Variants in NRDC observed in about 807,000 individuals in gnomAD.
NRDC encodes nardilysin convertase.
Under a neutral mutation model 147.1 loss-of-function variants are expected in NRDC, and 54 were observed. The observed-to-expected ratio is 0.37, with a 90% CI of 0.29 to 0.46. The LOEUF (loss-of-function observed/expected upper bound fraction) is 0.46. NRDC is among the 20% of genes least tolerant of loss of function. The pLI is 1.00. For missense variants in NRDC, 1,082 were observed against 1,370.6 expected, an observed-to-expected ratio of 0.79 and a Z score of 3.33; for synonymous variants, 440 against 482.1, an observed-to-expected ratio of 0.91 and a Z score of 1.14.
chr1:51,853,419 A>AT (rs1011343876), intron 1 of NRDC, among the ~76,000 whole-genome samples: 1 of 152,136 alleles, frequency 6.6e-6, no homozygotes. Flanking sequence ...GAAATCCCGT[A>AT]TCTTAGCTGC....
At chr1:51,802,739 C>A (rs1196124645) in intron 20 of NRDC, among the ~76,000 whole-genome samples, 3 of 152,194 alleles carry the variant, frequency 2.0e-5, no homozygotes, top group Admixed American at 6.5e-5. Flanking sequence ...GAGCTATACT[C>A]TTCTCTTGGG....
chr1:51,805,095 C>T (rs1056557018), intron 19 of NRDC, among the ~76,000 whole-genome samples: 2 of 152,206 alleles, frequency 1.3e-5, no homozygotes, highest in Non-Finnish European at 1.5e-5. Flanking sequence ...TCCGACCACC[C>T]ACAATGAAAG....
chr1:51,861,419 T>C (rs113810638), intron 1 of NRDC, among the ~76,000 whole-genome samples: 2,268 of 149,412 alleles, frequency 0.015, 64 homozygotes, highest in African/African-American at 0.052. Flanking sequence ...AACCTCTGCC[T>C]CCCAGGTTCA....
intron 27 of NRDC, 43 bp downstream of exon 27, chr1:51,791,535 T>C (rs778956431): frequency 4.0e-6 from 6 of 1,481,930 alleles, no homozygotes; most frequent in Admixed American, 3.3e-5. Flanking sequence ...CTACTCTCCA[T>C]GTCCATAATA....
chr1:51,802,815 A>G (rs1679272801), intron 20 of NRDC, among the ~76,000 whole-genome samples: 1 of 152,024 alleles, frequency 6.6e-6, no homozygotes, highest in South Asian at 2.1e-4. Flanking sequence ...TTCCTCTAAA[A>G]TTTTTCTTGT....
At chr1:51,812,218 TACA>T in intron 14 of NRDC, 120 bp from the exon 15 acceptor site, 1 of 646,138 alleles carries the variant, frequency 1.5e-6, no homozygotes. Flanking sequence ...TCTGAACAGA[TACA>T]ACGAGATATA....
chr1:51,792,235 T>G (rs1238024297), intron 25 of NRDC, 137 bp from the exon 26 acceptor site: 2 of 1,350,804 alleles, frequency 1.5e-6, no homozygotes, highest in East Asian at 4.6e-5. Flanking sequence ...AGGCTTATAC[T>G]GGGTGAGAAC....
intron 1 of NRDC, chr1:51,862,242 G>C (rs1044063852): frequency 1.1e-4 from 17 of 151,394 alleles, no homozygotes; most frequent in Admixed American, 9.2e-4. Context: ...TACGTATATA[G>C]GGCTTTCCCC....
intron 2 of NRDC, chr1:51,836,536 C>G (rs916608858): frequency 5.8e-6 from 6 of 1,036,794 alleles, no homozygotes; most frequent in Non-Finnish European, 8.6e-6. Context: ...AATTCTGAAC[C>G]AAGTTTTTTC....
intron 1 of NRDC, among the ~76,000 whole-genome samples, chr1:51,857,741 G>A (rs1321629639): frequency 6.6e-6 from 1 of 152,198 alleles, no homozygotes; most frequent in Non-Finnish European, 1.5e-5. Context: ...TTAAGAGGCT[G>A]CAGATGTCCA....
At chr1:51,797,040 A>T (rs562721027) in intron 22 of NRDC, among the ~76,000 whole-genome samples, 6 of 151,858 alleles carry the variant, frequency 4.0e-5, no homozygotes, top group Non-Finnish European at 2.9e-5. Context: ...CTCTGCTAAA[A>T]ATACAAAAAA....
intron 2 of NRDC, among the ~76,000 whole-genome samples, chr1:51,839,449 A>C (rs1476238014): frequency 1.3e-5 from 2 of 152,084 alleles, no homozygotes; most frequent in Admixed American, 1.3e-4. Context: ...ACCATGTTGA[A>C]TATATTATCA....
chr1:51,831,636 T>A (rs1011892346), intron 4 of NRDC, among the ~76,000 whole-genome samples: 14 of 151,640 alleles, frequency 9.2e-5, no homozygotes, highest in African/African-American at 3.4e-4. Context: ...TGGAGTACAG[T>A]GGTGCGATCT....
intron 2 of NRDC, among the ~76,000 whole-genome samples, chr1:51,836,663 C>G (rs576837950): frequency 6.6e-6 from 1 of 152,058 alleles, no homozygotes; most frequent in Non-Finnish European, 1.5e-5. Context: ...GATGTGAAAC[C>G]TGTCAACATG....
At chr1:51,795,371 T>A in intron 22 of NRDC, 2 of 377,898 alleles carry the variant, frequency 5.3e-6, no homozygotes, top group Non-Finnish European at 8.9e-6. Context: ...AAGGACTCTG[T>A]ATCAAAAGCC....
At chr1:51,800,934 G>C (rs1679165702) in intron 20 of NRDC, 2 of 357,232 alleles carry the variant, frequency 5.6e-6, no homozygotes, top group South Asian at 8.7e-5. Flanking sequence ...AACCTCGAAT[G>C]CCTAGGCTCT....
chr1:51,827,325 G>T (rs1055532937), intron 5 of NRDC, among the ~76,000 whole-genome samples: 1 of 152,160 alleles, frequency 6.6e-6, no homozygotes, highest in African/African-American at 2.4e-5. Flanking sequence ...GACTTGCAGT[G>T]GCTATAAGCC....
In NRDC at chr1:51,878,670, C is replaced by T. The variant is rs1683454279; in HGVS notation, c.-55G>A. ...CGCTTCCCAGGACCCACCTCCTCCG[C>T]GTTCTAGAGGCGGTGGCGGCCGGCC... On this transcript the variant is annotated 5_prime_UTR_variant, in exon 1 of 31. Coordinates refer to ENST00000352171, the MANE Select transcript of NRDC (RefSeq NM_001101662.2). The T allele has an allele frequency of 3.3e-6, 5 of 1,493,852 alleles. No homozygotes were observed. The highest frequency in any genetic ancestry group is 3.6e-6 in the Non-Finnish European group (4 of 1,098,064). The allele number at this position is 1,493,852 out of a possible 1,614,324, so 92.5% of individuals were successfully genotyped here.
chr1:51,863,318 C>G (rs1682645484), intron 1 of NRDC, among the ~76,000 whole-genome samples: 1 of 152,064 alleles, frequency 6.6e-6, no homozygotes, highest in African/African-American at 2.4e-5. Flanking sequence ...AGAAGGATCA[C>G]TTGAACCCGG....
Sources: gnomAD v4.1 joint callset for allele counts (sites outside exome capture counted in the v4.1 genomes callset) on GRCh38, gnomAD v4.1.1 for gene constraint, MANE v1.5 for transcripts, NCBI Gene and HGNC (gene_info 2026-07-23, HGNC 2026-07-21) for gene names.